Variants in NFASC observed in about 807,000 individuals in gnomAD.
NFASC encodes the protein neurofascin, also known as neurofascin homolog.
NFASC carries 43 observed loss-of-function variants against 147.5 expected under a neutral mutation model. That is an observed-to-expected ratio of 0.29 (90% CI 0.23 to 0.38). The LOEUF is 0.38. Ranked by LOEUF, NFASC falls within the 10% of genes least tolerant of loss-of-function variation. The probability of loss-of-function intolerance (pLI) is 1.00; values close to 1 mark genes in which losing one functional copy is unlikely to be tolerated. For synonymous variants in NFASC, 622 were observed against 665.5 expected (o/e 0.93, Z 1.01); for missense variants, 1,320 against 1,689.0 (o/e 0.78, Z 3.83).
intron 1 of NFASC, among the ~76,000 whole-genome samples, chr1:204,834,518 C>G (rs1673125387): frequency 6.6e-6 from 1 of 152,168 alleles, no homozygotes; most frequent in Non-Finnish European, 1.5e-5. Context: ...GCCTTCTCCT[C>G]CTTCACCTGC....
chr1:204,906,836 ACC>A (rs2086065005), intron 1 of NFASC, among the ~76,000 whole-genome samples: 1 of 151,860 alleles, frequency 6.6e-6, no homozygotes, highest in Non-Finnish European at 1.5e-5. Flanking sequence ...GGCACCCGCC[ACC>A]CTGCCCGGCT....
At position 204,973,347 on chromosome 1, in the gene NFASC, A is replaced by C; in HGVS notation, c.1207A>C (p.Arg403=). The change falls in exon 12 of 30, where the codon AGG becomes CGG. Residue 403 remains arginine, a synonymous_variant. Coordinates refer to ENST00000339876, the MANE Select transcript of NFASC (RefSeq NM_001005388.3). ...IIFRDTQISS[R]AVYQCNTSNE... Reference sequence around the variant, plus strand: ...CTTCCGGGACACCCAGATCAGCAGCAGGGCTGTGTACCAGTGCAACACCTC... The same window carrying C: ...CTTCCGGGACACCCAGATCAGCAGCCGGGCTGTGTACCAGTGCAACACCTC... The C allele has an allele frequency of 6.2e-7, 1 of 1,614,264 alleles. No homozygotes were observed. The highest frequency in any genetic ancestry group is 8.5e-7 in the Non-Finnish European group (1 of 1,180,048).
chr1:204,940,565 C>T (rs375549924), intron 2 of NFASC, among the ~76,000 whole-genome samples: 60 of 152,052 alleles, frequency 3.9e-4, no homozygotes, highest in South Asian at 2.5e-3. Flanking sequence ...AAGGAAACCT[C>T]ATACCCATTA....
intron 2 of NFASC, among the ~76,000 whole-genome samples, chr1:204,932,499 A>G (rs1303846847): frequency 6.6e-6 from 1 of 152,156 alleles, no homozygotes; most frequent in Non-Finnish European, 1.5e-5. Context: ...TAAGATTGAC[A>G]GCGTTTGCAA....
At chr1:204,905,100 T>C (rs1240934784) in intron 1 of NFASC, among the ~76,000 whole-genome samples, 1 of 152,128 alleles carries the variant, frequency 6.6e-6, no homozygotes, top group Non-Finnish European at 1.5e-5. Context: ...TTATTATTTT[T>C]TTGAGATGAG....
rs2096229089 is a variant in NFASC at position 205,010,329 on chromosome 1, C to T, written c.3421+641C>T. ...GCCCCTAGCCAGGCACAATGACTCA[C>T]ACCTGTAATCCCAGCACTTCGGGAG... On this transcript the variant is annotated intron_variant, in intron 28 of 29. Coordinates refer to ENST00000339876, the MANE Select transcript of NFASC (RefSeq NM_001005388.3). This position sits in a 1 kb window ranked among gnomAD's most constrained non-coding sequence, Gnocchi z 4.1. 1 of 152,552 alleles carries T rather than the reference C, an allele frequency of 6.6e-6. No individual in the cohort carries two copies. The highest frequency in any genetic ancestry group is 1.5e-5 in the Non-Finnish European group (1 of 68,302). 9.4% of individuals were successfully genotyped at this position (152,552 alleles called of 1,614,324 possible). A position where few individuals can be genotyped will look rare whatever the true frequency, so the allele number is the denominator to read the frequency against.
rs1484972246 is a variant in NFASC, at chr1:205,016,280, C to T, written c.3492-28C>T. On this transcript the variant is annotated intron_variant, in intron 29 of 29. Coordinates refer to ENST00000339876, the MANE Select transcript of NFASC (RefSeq NM_001005388.3). This position sits in a 1 kb window ranked among gnomAD's most constrained non-coding sequence, Gnocchi z 5.1. The stretch of plus-strand genomic sequence containing the variant: ...GGCCAGCTGCCCCATCTCACCCCAC[C>T]TGAGATTCTCTGTCTCTCTTTGGCC... 6.6e-7 allele frequency: 1 copy of T among 1,523,170 alleles called. No individual in the cohort carries two copies. Among genetic ancestry groups the T allele is most frequent in the Admixed American group, 1.7e-5 (1 of 59,882 alleles). The allele number at this position is 1,523,170 out of a possible 1,614,324, so 94.4% of individuals were successfully genotyped here. A position where few individuals can be genotyped will look rare whatever the true frequency, so the allele number is the denominator to read the frequency against.
At chr1:204,865,869 G>A (rs1038154554) in intron 1 of NFASC, among the ~76,000 whole-genome samples, 2 of 152,208 alleles carry the variant, frequency 1.3e-5, no homozygotes, top group Non-Finnish European at 2.9e-5. Context: ...ATAGAAGTAT[G>A]TTCAGCCTTA....
At chr1:204,963,456 T>G (rs2094792756) in intron 8 of NFASC, among the ~76,000 whole-genome samples, 1 of 152,214 alleles carries the variant, frequency 6.6e-6, no homozygotes, top group African/African-American at 2.4e-5. Flanking sequence ...CTGGTCTAAG[T>G]TCCTCACTTT....
chr1:204,964,207 T>C (rs2094829743), intron 8 of NFASC, among the ~76,000 whole-genome samples: 1 of 152,246 alleles, frequency 6.6e-6, no homozygotes. Context: ...CAAATGGATG[T>C]ATTACCTGTC....
At chr1:204,885,253 C>T (rs966748459) in intron 1 of NFASC, among the ~76,000 whole-genome samples, 8 of 152,128 alleles carry the variant, frequency 5.3e-5, no homozygotes, top group African/African-American at 1.9e-4. Context: ...CCACCCATCA[C>T]CCCTAAAGTG....
intron 1 of NFASC, among the ~76,000 whole-genome samples, chr1:204,887,351 ATAATAGACCT>A (rs1253311506): frequency 6.6e-6 from 1 of 152,194 alleles, no homozygotes; most frequent in Non-Finnish European, 1.5e-5. Context: ...CAAATACTGA[ATAATAGACCT>A]TTATTTGCAT....
At position 205,020,055 on chromosome 1, in the gene NFASC, A is replaced by T. The variant is rs1032412262; in HGVS notation, c.*3516A>T. On this transcript the variant is annotated 3_prime_UTR_variant, in exon 30 of 30. Transcript: ENST00000339876. ...ATGGTTGAATTTAAGCTAACAGGAA[A>T]GCCAAACCAGCACCCTCCTTTGTGC... The T allele has an allele frequency of 6.6e-6, 1 of 152,214 alleles. No homozygotes were observed. The highest frequency in any genetic ancestry group is 2.4e-5 in the African/African-American group (1 of 41,440). The allele number at this position is 152,214 out of a possible 1,614,324, so 9.4% of individuals were successfully genotyped here. A position where few individuals can be genotyped will look rare whatever the true frequency, so the allele number is the denominator to read the frequency against.
At chr1:204,966,218 C>T (rs1348784052) in intron 8 of NFASC, among the ~76,000 whole-genome samples, 1 of 152,156 alleles carries the variant, frequency 6.6e-6, no homozygotes, top group Non-Finnish European at 1.5e-5. Flanking sequence ...TGTCAAGGCA[C>T]CCACAGCAGA....
intron 2 of NFASC, among the ~76,000 whole-genome samples, chr1:204,939,050 G>GTGTGTA (rs2093138572): frequency 6.7e-6 from 1 of 150,000 alleles, no homozygotes; most frequent in Admixed American, 6.6e-5. Context: ...GTGTGTGTGT[G>GTGTGTA]TGTGTGTGTG....
chr1:205,014,696 A>C (rs60842967), intron 29 of NFASC, among the ~76,000 whole-genome samples: 6,956 of 152,130 alleles, frequency 0.046, 298 homozygotes, highest in African/African-American at 0.11. Flanking sequence ...CTGGCATGCT[A>C]CAGATCTCTT....
At chr1:204,984,382 CATATATATAT>C (rs55787898) in intron 21 of NFASC, 105 of 134,184 alleles carry the variant, frequency 7.8e-4, no homozygotes, top group Middle Eastern at 3.7e-3. Flanking sequence ...TATATATACG[CATATATATAT>C]ATATATATAT....
intron 28 of NFASC, among the ~76,000 whole-genome samples, chr1:205,011,208 C>A (rs909880965): frequency 2.7e-4 from 8 of 29,836 alleles, no homozygotes; most frequent in African/African-American, 9.8e-4. Flanking sequence ...TCCCCCAGGA[C>A]CCCCCCCAAA....
intron 1 of NFASC, among the ~76,000 whole-genome samples, chr1:204,829,709 G>A (rs996982220): frequency 3.3e-5 from 5 of 152,272 alleles, no homozygotes; most frequent in African/African-American, 1.2e-4. Flanking sequence ...ATGGGGAAGG[G>A]GCAGGGTCCA....
Sources: allele counts gnomAD v4.1 joint callset (sites outside exome capture counted in the v4.1 genomes callset), GRCh38; gene constraint gnomAD v4.1.1; non-coding constraint Gnocchi (gnomAD v3.1); transcripts MANE v1.5; gene names NCBI Gene and HGNC (gene_info 2026-07-23, HGNC 2026-07-21).